The following GABRG3 variants were observed in gnomAD, a reference collection of about 807,000 sequenced individuals.
The protein encoded by GABRG3 is gamma-aminobutyric acid receptor subunit gamma-3.
Under a neutral mutation model 48.8 loss-of-function variants are expected in GABRG3, and 25 were observed. The observed-to-expected ratio is 0.51, with a 90% CI of 0.37 to 0.72. The LOEUF (loss-of-function observed/expected upper bound fraction) is 0.72. GABRG3 is among the 30% of genes least tolerant of loss of function. GABRG3 has a pLI of 0.00. For synonymous variants in GABRG3, 227 were observed against 217.6 expected (o/e 1.04, Z -0.38); for missense variants, 394 against 577.9 (o/e 0.68, Z 3.26).
intron 2 of GABRG3, among the ~76,000 whole-genome samples, chr15:27,018,028 C>T (rs77607856): frequency 6.6e-6 from 1 of 152,112 alleles, no homozygotes; most frequent in Non-Finnish European, 1.5e-5. Context: ...GCATTCCCTG[C>T]CAGATGGTGG....
At chr15:27,353,036 T>C (rs1894680367) in intron 5 of GABRG3, among the ~76,000 whole-genome samples, 1 of 152,178 alleles carries the variant, frequency 6.6e-6, no homozygotes, top group Admixed American at 6.5e-5. Context: ...TTTCCCTTTT[T>C]ATTACACAAA....
rs752690662 is a variant in GABRG3, at chr15:26,975,278, T to C, written c.54-1724T>C. Among the ~76,000 whole-genome samples the C allele has an allele frequency of 6.6e-6, 1 of 152,190 alleles. No homozygotes were observed. The highest frequency in any genetic ancestry group is 1.5e-5 in the Non-Finnish European group (1 of 68,042). On this transcript the variant is annotated intron_variant, in intron 1 of 9. Coordinates refer to ENST00000615808, the MANE Select transcript of GABRG3 (RefSeq NM_033223.5). This position sits in a 1 kb window ranked among gnomAD's most constrained non-coding sequence, Gnocchi z 4.6. ...GAAATGCAACATATTCCTTACTGAA[T>C]AGGTGCCCCACATTTAAAAATTCCT...
intron 3 of GABRG3, among the ~76,000 whole-genome samples, chr15:27,159,308 C>T (rs1898514594): frequency 6.6e-6 from 1 of 151,930 alleles, no homozygotes; most frequent in Admixed American, 6.6e-5. Flanking sequence ...ATGGCAAAAC[C>T]CCATCTCTAC....
At chr15:27,524,031 A>C (rs2150863640) in intron 7 of GABRG3, among the ~76,000 whole-genome samples, 1 of 152,240 alleles carries the variant, frequency 6.6e-6, no homozygotes, top group Non-Finnish European at 1.5e-5. Flanking sequence ...TAGAGATCCA[A>C]GAAGCTGAAT....
At chr15:27,023,479 C>G (rs1314189414) in intron 2 of GABRG3, among the ~76,000 whole-genome samples, 1 of 152,188 alleles carries the variant, frequency 6.6e-6, no homozygotes, top group Non-Finnish European at 1.5e-5. Flanking sequence ...TTCCCCTTCC[C>G]CAGTCCCTGG....
intron 3 of GABRG3, among the ~76,000 whole-genome samples, chr15:27,223,488 TA>T (rs1229983957): frequency 1.3e-5 from 2 of 152,206 alleles, no homozygotes; most frequent in East Asian, 3.9e-4. Context: ...TATGTTTACT[TA>T]AAAACTCATA....
chr15:26,971,482 G>A lies in GABRG3; in HGVS notation c.-54G>A. ...CGGCGGAGACCAGGTCCGCGCCGGA[G>A]GAAGCCGCGCCCGGCCGAGGCCCCG... is the stretch of plus-strand genomic sequence containing the variant. On this transcript the variant is annotated 5_prime_UTR_variant, in exon 1 of 10. Coordinates refer to ENST00000615808, the MANE Select transcript of GABRG3 (RefSeq NM_033223.5). 7.0e-7 allele frequency: 1 copy of A among 1,428,362 alleles called. No homozygotes were observed. The highest frequency in any genetic ancestry group is 9.3e-7 in the Non-Finnish European group (1 of 1,076,902). The allele number at this position is 1,428,362 out of a possible 1,614,324, so 88.5% of individuals were successfully genotyped here.
intron 7 of GABRG3, among the ~76,000 whole-genome samples, chr15:27,522,716 G>A (rs1891187793): frequency 6.6e-6 from 1 of 151,452 alleles, no homozygotes; most frequent in South Asian, 2.1e-4. Flanking sequence ...AAATAAATAG[G>A]AGCATATAAT....
chr15:27,344,155 G>A (rs1395007374), intron 5 of GABRG3, among the ~76,000 whole-genome samples: 1 of 152,184 alleles, frequency 6.6e-6, no homozygotes, highest in African/African-American at 2.4e-5. Context: ...GTTCTGAGGG[G>A]TCTGGGGAGT....
intron 5 of GABRG3, among the ~76,000 whole-genome samples, chr15:27,387,771 A>G (rs1314289397): frequency 1.0e-4 from 14 of 138,882 alleles, no homozygotes; most frequent in Admixed American, 8.7e-4. Context: ...ATGACAGTAC[A>G]AAGTCAGTGC....
At chr15:27,530,799 T>C (rs892695077) in intron 9 of GABRG3, 6 of 456,082 alleles carry the variant, frequency 1.3e-5, no homozygotes, top group Admixed American at 9.6e-5. Context: ...TCCATCCACA[T>C]AGCAAGGGAC....
chr15:27,049,369 T>C (rs1487899901), intron 3 of GABRG3, among the ~76,000 whole-genome samples: 1 of 152,238 alleles, frequency 6.6e-6, no homozygotes, highest in Admixed American at 6.5e-5. Flanking sequence ...AGAATTTCAC[T>C]ATCTTCCTGG....
intron 5 of GABRG3, among the ~76,000 whole-genome samples, chr15:27,451,328 A>G (rs1889105466): frequency 6.6e-6 from 1 of 152,232 alleles, no homozygotes; most frequent in Non-Finnish European, 1.5e-5. Flanking sequence ...TACTACTGAC[A>G]CAAAAACAGA....
rs546117212 is a variant in GABRG3, at chr15:27,053,121, A to T, written c.270+26300A>T. 9.8e-5 allele frequency among the ~76,000 whole-genome samples: 15 copies of T among 152,340 alleles called. No individual in the cohort carries two copies. The South Asian group carries it at 3.1e-3, about 32-fold the overall frequency. On this transcript the variant is annotated intron_variant, in intron 3 of 9. Coordinates refer to ENST00000615808, the MANE Select transcript of GABRG3 (RefSeq NM_033223.5). ...GGCCTTGGCAAAGAATTTATGGCTA[A>T]GTCCTCAAAAGCAATTGCAACAAAA...
intron 3 of GABRG3, among the ~76,000 whole-genome samples, chr15:27,097,235 G>T (rs917351111): frequency 7.2e-5 from 11 of 151,972 alleles, no homozygotes; most frequent in Admixed American, 4.6e-4. Flanking sequence ...CCCGCTGCTG[G>T]GCATGTAAGA....
intron 3 of GABRG3, among the ~76,000 whole-genome samples, chr15:27,194,489 T>G (rs941447109): frequency 6.6e-6 from 1 of 152,118 alleles, no homozygotes; most frequent in Non-Finnish European, 1.5e-5. Flanking sequence ...TGGCTGAGAG[T>G]GTTTTTATTT....
At chr15:27,441,700 C>G (rs547233891) in intron 5 of GABRG3, among the ~76,000 whole-genome samples, 1 of 152,174 alleles carries the variant, frequency 6.6e-6, no homozygotes, top group Non-Finnish European at 1.5e-5. Flanking sequence ...GACAGGCCAG[C>G]CAGGGCCACC....
intron 5 of GABRG3, among the ~76,000 whole-genome samples, chr15:27,356,650 A>G (rs1390474945): frequency 2.0e-5 from 3 of 152,220 alleles, no homozygotes; most frequent in African/African-American, 7.2e-5. Context: ...TTAAGGAAAA[A>G]CAGGTGCTCC....
chr15:27,472,391 T>C (rs1339930626), intron 5 of GABRG3, among the ~76,000 whole-genome samples: 1 of 152,160 alleles, frequency 6.6e-6, no homozygotes, highest in Non-Finnish European at 1.5e-5. Flanking sequence ...TTCTCCAGCC[T>C]CAACCTCCTG....
Sources: allele counts gnomAD v4.1 joint callset (sites outside exome capture counted in the v4.1 genomes callset), GRCh38; gene constraint gnomAD v4.1.1; non-coding constraint Gnocchi (gnomAD v3.1); transcripts MANE v1.5; gene names NCBI Gene and HGNC (gene_info 2026-07-23, HGNC 2026-07-21).